Variants in TICRR observed in about 807,000 individuals in gnomAD.
TICRR encodes the protein TOPBP1 interacting checkpoint and replication regulator.
TICRR carries 132 observed loss-of-function variants against 178.1 expected under a neutral mutation model. The observed-to-expected ratio is 0.74, with a 90% CI of 0.64 to 0.86. TICRR has a LOEUF of 0.86. TICRR is among the 40% of genes least tolerant of loss of function. The pLI, the probability that TICRR is intolerant of heterozygous loss-of-function variation, is 0.00. For synonymous variants in TICRR, 991 were observed against 900.7 expected, an observed-to-expected ratio of 1.10 and a Z score of -1.79; for missense variants, 2,587 against 2,334.3, an observed-to-expected ratio of 1.11 and a Z score of -2.23.
At chr15:89,581,363 C>T (rs997504666) in intron 1 of TICRR, among the ~76,000 whole-genome samples, 7 of 152,112 alleles carry the variant, frequency 4.6e-5, no homozygotes, top group Admixed American at 6.5e-5. Flanking sequence ...GTTTTATTCA[C>T]ACCCCCCGCC....
At chr15:89,587,320 T>C (rs544071529) in intron 4 of TICRR, among the ~76,000 whole-genome samples, 2 of 152,170 alleles carry the variant, frequency 1.3e-5, no homozygotes, top group East Asian at 1.9e-4. Flanking sequence ...ACACATGGTA[T>C]TGAGTAGGCA....
chr15:89,582,086 G>A (rs141843917), intron 1 of TICRR: 3,067 of 152,778 alleles, frequency 0.02, 43 homozygotes, highest in South Asian at 0.06. Flanking sequence ...AACTTTGGGA[G>A]GCTGAGGCAG....
At position 89,592,162 on chromosome 15, in the gene TICRR, G is replaced by C; in HGVS notation, c.1527G>C (p.Leu509Phe). 6.2e-7 allele frequency: 1 copy of C among 1,611,304 alleles called. No homozygotes were observed. ...ACATCAGTGGTGCCAGTTCCGATTT[G>C]ATGGAGTCATTTGGGTAAAACGTTT... The part of the protein sequence containing the change: ...FCNISGASSD[L>F]MESFGLLQAA... The change falls in exon 5 of 22, where the codon TTG (leucine) becomes TTC (phenylalanine). Residue 509 changes from leucine to phenylalanine, a missense_variant. Transcript: ENST00000268138.
intron 1 of TICRR, among the ~76,000 whole-genome samples, chr15:89,577,552 G>A (rs981727746): frequency 2.0e-5 from 3 of 150,698 alleles, no homozygotes; most frequent in Non-Finnish European, 4.4e-5. Flanking sequence ...GTGAGAGGAT[G>A]GGAGTAGAAG....
intron 13 of TICRR, among the ~76,000 whole-genome samples, chr15:89,603,638 A>G (rs1194965949): frequency 6.6e-6 from 1 of 152,240 alleles, no homozygotes; most frequent in Admixed American, 6.5e-5. Context: ...TTTGAAAAAG[A>G]TGATGACCAT....
chr15:89,581,891 G>A (rs371778464), intron 1 of TICRR, among the ~76,000 whole-genome samples: 3 of 152,144 alleles, frequency 2.0e-5, no homozygotes, highest in Non-Finnish European at 4.4e-5. Flanking sequence ...AAGATGCCAC[G>A]AGGCCTCGGT....
In TICRR at chr15:89,575,984, T is replaced by A; in HGVS notation, c.398T>A (p.Leu133Gln). ...ATCCTGCGGAGCAGCGGGAGGAGAC[T>A]GCTGGACGTGGAGAGCGAGGCCAAG... ...KPILRSSGRRLLDVESEAKEA... is the reference protein window; with the variant it reads ...KPILRSSGRRQLDVESEAKEA... Residue 133 changes from leucine to glutamine, a missense_variant, in exon 1 of 22, where the codon CTG (leucine) becomes CAG (glutamine). Transcript: ENST00000268138. 2 of 1,606,280 alleles carry A rather than the reference T, an allele frequency of 1.2e-6. No individual in the cohort carries two copies. Among genetic ancestry groups the A allele is most frequent in the Non-Finnish European group, 1.7e-6 (2 of 1,177,588 alleles).
At position 89,625,188 on chromosome 15, in the gene TICRR, C is replaced by T. The variant is rs1447169599; in HGVS notation, c.4878C>T (p.Cys1626=). 3 of 1,613,718 alleles carry T rather than the reference C, an allele frequency of 1.9e-6. No homozygotes were observed. The highest frequency in any genetic ancestry group is 1.7e-5 in the Admixed American group (1 of 60,008). ...KPEPTYVSPP[C]PRLSHSTPGK... ...AACCCACCTATGTGTCACCCCCCTG[C>T]CCCCGCCTCTCCCACAGCACACCTG... Residue 1626 remains cysteine (C), a synonymous_variant, in exon 20 of 22, where the codon TGC becomes TGT. Coordinates refer to ENST00000268138, the MANE Select transcript of TICRR (RefSeq NM_152259.4).
chr15:89,625,995 G>T lies in TICRR; in HGVS notation c.5536G>T (p.Ala1846Ser), dbSNP rs753215362. ...RSCLSASALQ[A>S]LTQSPLLFQG... ...CTGCCTCTCTGCCAGTGCCCTCCAG[G>T]CTCTGACCCAGTCTCCGCTGCTGTT... is the stretch of plus-strand genomic sequence containing the variant. The change falls in exon 21 of 22, where the codon GCT becomes TCT. Residue 1846 changes from alanine (A) to serine (S), a missense_variant. Transcript: ENST00000268138. The T allele has an allele frequency of 1.9e-6, 3 of 1,610,954 alleles. No homozygotes were observed. Among genetic ancestry groups the T allele is most frequent in the Non-Finnish European group, 2.5e-6 (3 of 1,178,570 alleles).
chr15:89,627,128 G>A lies in TICRR; in HGVS notation c.*42G>A, dbSNP rs369998372. 118 of 1,608,066 alleles carry A rather than the reference G, an allele frequency of 7.3e-5. No homozygotes were observed. Among genetic ancestry groups the A allele is most frequent in the Non-Finnish European group, 9.6e-5 (113 of 1,177,500 alleles). On this transcript the variant is annotated 3_prime_UTR_variant, in exon 22 of 22. Coordinates refer to ENST00000268138, the MANE Select transcript of TICRR (RefSeq NM_152259.4). ...GCCCAAAAGATCAAGGAGTCAGCCA[G>A]GACCCTGTGGACATAAAGAAGTTGG...
chr15:89,575,793 G>T lies in TICRR; in HGVS notation c.207G>T (p.Gly69=). ...GCGTGTCTGACTTCCGCGAGCTGGGGTCCCGCTCGTGGGAGGACTTTGAGG... is the reference window on the plus strand; with the variant it reads ...GCGTGTCTGACTTCCGCGAGCTGGGTTCCCGCTCGTGGGAGGACTTTGAGG... ...PSRVSDFREL[G]SRSWEDFEEE... is the part of the protein sequence containing the mutation. Residue 69 remains glycine, a synonymous_variant, in exon 1 of 22, where the codon GGG becomes GGT. Coordinates refer to ENST00000268138, the MANE Select transcript of TICRR (RefSeq NM_152259.4). The T allele has an allele frequency of 6.2e-7, 1 of 1,606,738 alleles. No homozygotes were observed. The highest frequency in any genetic ancestry group is 8.5e-7 in the Non-Finnish European group (1 of 1,177,768).
chr15:89,614,584 G>C (rs773604871), intron 15 of TICRR, among the ~76,000 whole-genome samples: 1 of 152,184 alleles, frequency 6.6e-6, no homozygotes, highest in Non-Finnish European at 1.5e-5. Context: ...GCCTGCCTCA[G>C]CCTCCCAAAG....
rs1451107259 is a variant in TICRR, at chr15:89,627,505, G to C, written c.*419G>C. 2 of 186,370 alleles carry C rather than the reference G, an allele frequency of 1.1e-5. No homozygotes were observed. Among genetic ancestry groups the C allele is most frequent in the Non-Finnish European group, 2.2e-5 (2 of 90,044 alleles). 11.5% of individuals were successfully genotyped at this position (186,370 alleles called of 1,614,324 possible). ...CGACACAGGCAGCGCTTTGTAAACT[G>C]TGAAGCCATATACGTGAAACTGAAG... On this transcript the variant is annotated 3_prime_UTR_variant, in exon 22 of 22. Transcript: ENST00000268138.
intron 6 of TICRR, 43 bp downstream of exon 6, chr15:89,594,597 A>T: frequency 6.8e-7 from 1 of 1,469,496 alleles, no homozygotes; most frequent in Non-Finnish European, 9.1e-7. Flanking sequence ...TTCTTTTTTG[A>T]GACTGTATGT....
At position 89,625,919 on chromosome 15, in the gene TICRR, A is replaced by C. The variant is rs768778631; in HGVS notation, c.5477-17A>C. Reference sequence around the variant, plus strand: ...GGGGTCTGGGGACGCTGCTCTTACTATGTGGGATCTCTTTAGGCTCCACCC... The same window carrying C: ...GGGGTCTGGGGACGCTGCTCTTACTCTGTGGGATCTCTTTAGGCTCCACCC... On this transcript the variant is annotated splice_polypyrimidine_tract_variant and intron_variant, in intron 20 of 21. Coordinates refer to ENST00000268138, the MANE Select transcript of TICRR (RefSeq NM_152259.4). 6.4e-7 allele frequency: 1 copy of C among 1,554,794 alleles called. No homozygotes were observed. Among genetic ancestry groups the C allele is most frequent in the African/African-American group, 1.4e-5 (1 of 72,676 alleles).
chr15:89,589,815 G>C (rs373076746), intron 4 of TICRR, among the ~76,000 whole-genome samples: 4 of 152,038 alleles, frequency 2.6e-5, no homozygotes, highest in Admixed American at 2.6e-4. Flanking sequence ...ATCTTTGGTA[G>C]TGATAAAAAC....
At position 89,623,686 on chromosome 15, in the gene TICRR, C is replaced by T. The variant is rs1963461121; in HGVS notation, c.3376C>T (p.His1126Tyr). Reference sequence around the variant, plus strand: ...TAAAACTACACCAAGAAGGATCTCTCATACACCACAAACTCCGTTGTATAC... The same window carrying T: ...TAAAACTACACCAAGAAGGATCTCTTATACACCACAAACTCCGTTGTATAC... ...FSKTTPRRIS[H>Y]TPQTPLYTPE... is the part of the protein sequence containing the mutation. Residue 1126 changes from histidine to tyrosine, a missense_variant, in exon 20 of 22, where the codon CAT (histidine) becomes TAT (tyrosine). Physicochemically the swap from His to Tyr is moderately conservative, Grantham distance 83 (BLOSUM62 2). Transcript: ENST00000268138. The T allele has an allele frequency of 6.2e-7, 1 of 1,613,966 alleles. No homozygotes were observed. Among genetic ancestry groups the T allele is most frequent in the Non-Finnish European group, 8.5e-7 (1 of 1,179,986 alleles).
At chr15:89,580,147 A>G (rs1253295484) in intron 1 of TICRR, 1 of 152,288 alleles carries the variant, frequency 6.6e-6, no homozygotes, top group African/African-American at 2.4e-5. Context: ...CCTCCCTGGT[A>G]GCTGGGATTA....
intron 7 of TICRR, 72 bp downstream of exon 7, chr15:89,595,683 A>G (rs1962986385): frequency 8.9e-7 from 1 of 1,125,172 alleles, no homozygotes; most frequent in Non-Finnish European, 1.3e-6. Flanking sequence ...TCGTACCCTT[A>G]GTTTATTGAC....
Sources: allele counts gnomAD v4.1 joint callset (sites outside exome capture counted in the v4.1 genomes callset), GRCh38; gene constraint gnomAD v4.1.1; transcripts MANE v1.5; gene names NCBI Gene and HGNC (gene_info 2026-07-23, HGNC 2026-07-21).